Variants in NREP observed in about 807,000 individuals in gnomAD.
The protein encoded by NREP is neuronal regeneration related protein.
In NREP, 5 loss-of-function variants were observed where a neutral mutation model predicts 8.6. The ratio of observed to expected loss-of-function variants is 0.58; its 90% confidence interval spans 0.30 to 1.22. The LOEUF is 1.22. NREP is among the 50% of genes most tolerant of loss of function. The pLI is 0.07. For synonymous variants in NREP, 27 were observed against 28.0 expected (o/e 0.96, Z 0.11); for missense variants, 86 against 82.5 (o/e 1.04, Z -0.17).
intron 2 of NREP, among the ~76,000 whole-genome samples, chr5:111,905,679 G>A (rs1296897242): frequency 1.3e-5 from 2 of 151,676 alleles, no homozygotes; most frequent in Non-Finnish European, 2.9e-5. Context: ...TAGTGCTGTT[G>A]GTAAAAAAAC....
intron 2 of NREP, among the ~76,000 whole-genome samples, chr5:111,901,088 G>A (rs1159018983): frequency 2.0e-5 from 3 of 152,108 alleles, no homozygotes; most frequent in Non-Finnish European, 2.9e-5. Flanking sequence ...GCCAAGGGAT[G>A]CAAGAATGGT....
chr5:111,825,617 T>C (rs1424268698), intron 2 of NREP, among the ~76,000 whole-genome samples: 1 of 152,200 alleles, frequency 6.6e-6, no homozygotes, highest in African/African-American at 2.4e-5. Context: ...GAAAATCAGA[T>C]GTGGATACTG....
chr5:111,874,343 G>C (rs565511549), intron 2 of NREP, among the ~76,000 whole-genome samples: 1 of 152,176 alleles, frequency 6.6e-6, no homozygotes, highest in South Asian at 2.1e-4. Context: ...ATGAGTTCAA[G>C]ATGGAAAAGT....
rs889058187 is a variant in NREP, at chr5:111,956,329, T to C, written c.135+18945A>G. 8.4e-4 allele frequency among the ~76,000 whole-genome samples: 128 copies of C among 152,270 alleles called. 1 individual carries two copies. The highest frequency in any genetic ancestry group is 2.7e-3 in the African/African-American group (111 of 41,556). On this transcript the variant is annotated intron_variant, in intron 2 of 3. Coordinates refer to the NREP transcript ENST00000395634. ...AAAACAATAAGGGGATTTTAAAAGG[T>C]GTATATTTAAAGTCTTCAAAGACAT...
At chr5:111,804,828 C>T (rs938640015) in intron 2 of NREP, among the ~76,000 whole-genome samples, 2 of 152,050 alleles carry the variant, frequency 1.3e-5, no homozygotes, top group African/African-American at 2.4e-5. Context: ...GGAGAAACCC[C>T]GTCTCTACTA....
At chr5:111,808,000 G>A (rs1448453150) in intron 2 of NREP, among the ~76,000 whole-genome samples, 1 of 152,124 alleles carries the variant, frequency 6.6e-6, no homozygotes, top group Admixed American at 6.5e-5. Context: ...TCCTTTCTGT[G>A]GGGGAAGCAC....
chr5:111,959,758 T>C (rs1756430800), intron 2 of NREP, among the ~76,000 whole-genome samples: 1 of 152,076 alleles, frequency 6.6e-6, no homozygotes, highest in South Asian at 2.1e-4. Context: ...ATCATTTCTA[T>C]TAAAACTGAA....
intron 1 of NREP, among the ~76,000 whole-genome samples, chr5:111,756,558 T>C (rs991960882): frequency 2.0e-5 from 3 of 152,292 alleles, no homozygotes; most frequent in Non-Finnish European, 4.4e-5. Flanking sequence ...TAGATACACA[T>C]AAATGCACAT....
intron 2 of NREP, among the ~76,000 whole-genome samples, chr5:111,916,225 A>G (rs1755053769): frequency 6.6e-6 from 1 of 152,022 alleles, no homozygotes; most frequent in African/African-American, 2.4e-5. Flanking sequence ...GATGATAGAG[A>G]GAGAGTCATT....
At chr5:111,875,976 G>C (rs754793505) in intron 2 of NREP, among the ~76,000 whole-genome samples, 5 of 152,208 alleles carry the variant, frequency 3.3e-5, no homozygotes, top group African/African-American at 9.7e-5. Context: ...GGCGGTGTCT[G>C]ATCTACATAG....
At chr5:111,849,339 G>C (rs1273669957) in intron 2 of NREP, among the ~76,000 whole-genome samples, 1 of 152,134 alleles carries the variant, frequency 6.6e-6, no homozygotes, top group African/African-American at 2.4e-5. Flanking sequence ...AGAAATTGAG[G>C]GAGGAATGTA....
At chr5:111,940,356 G>A (rs1305745277) in intron 2 of NREP, among the ~76,000 whole-genome samples, 2 of 152,030 alleles carry the variant, frequency 1.3e-5, no homozygotes, top group Admixed American at 1.3e-4. Flanking sequence ...GATTATCAAA[G>A]TACAGTTCAG....
At chr5:111,771,530 A>AG (rs896837070) in intron 2 of NREP, among the ~76,000 whole-genome samples, 90 of 152,040 alleles carry the variant, frequency 5.9e-4, no homozygotes, top group Middle Eastern at 6.8e-3. Context: ...TGGTAGGCTG[A>AG]GGGGGGCGGA....
At chr5:111,811,768 T>C (rs7705253) in intron 2 of NREP, among the ~76,000 whole-genome samples, 25,788 of 152,148 alleles carry the variant, frequency 0.17, 3,674 homozygotes, top group African/African-American at 0.38. Flanking sequence ...TTTTGAATTA[T>C]TGAATAATCA....
intron 2 of NREP, among the ~76,000 whole-genome samples, chr5:111,881,183 C>G (rs556678198): frequency 6.6e-6 from 1 of 150,572 alleles, no homozygotes; most frequent in African/African-American, 2.4e-5. Context: ...TATCCCACAC[C>G]TGGCTCAGAG....
intron 2 of NREP, among the ~76,000 whole-genome samples, chr5:111,748,216 G>A (rs578096974): frequency 6.6e-6 from 1 of 152,294 alleles, no homozygotes; most frequent in African/African-American, 2.4e-5. Context: ...AGTCATTTTT[G>A]TAGTGTGCTT....
intron 2 of NREP, among the ~76,000 whole-genome samples, chr5:111,909,103 C>T (rs1235588525): frequency 6.6e-6 from 1 of 151,788 alleles, no homozygotes; most frequent in African/African-American, 2.4e-5. Flanking sequence ...AATTAAGTCC[C>T]TTATAGGGTC....
chr5:111,929,109 A>T (rs936518451), intron 2 of NREP, among the ~76,000 whole-genome samples: 1 of 152,176 alleles, frequency 6.6e-6, no homozygotes, highest in Non-Finnish European at 1.5e-5. Context: ...AAAGAAAAGG[A>T]TCACTTAGTA....
At chr5:111,927,192 C>G (rs534262670) in intron 2 of NREP, among the ~76,000 whole-genome samples, 1 of 152,032 alleles carries the variant, frequency 6.6e-6, no homozygotes, top group South Asian at 2.1e-4. Context: ...CCCTCTCCTG[C>G]GCCACTGAGG....
Sources: allele counts gnomAD v4.1 joint callset (sites outside exome capture counted in the v4.1 genomes callset), GRCh38; gene constraint gnomAD v4.1.1; transcripts MANE v1.5; gene names NCBI Gene and HGNC (gene_info 2026-07-23, HGNC 2026-07-21).